SIPA1L2: variants seen among roughly 807,000 people sequenced by gnomAD.
SIPA1L2 encodes the protein signal-induced proliferation-associated 1-like protein 2.
In SIPA1L2, 56 loss-of-function variants were observed where a neutral mutation model predicts 163.9. The observed-to-expected ratio is 0.34, with a 90% confidence interval of 0.28 to 0.43. SIPA1L2 has a LOEUF of 0.43. Ranked by LOEUF, SIPA1L2 falls within the 20% of genes least tolerant of loss-of-function variation. The pLI is 1.00. For synonymous variants in SIPA1L2, 877 were observed against 865.7 expected, an observed-to-expected ratio of 1.01 and a Z score of -0.23; for missense variants, 1,974 against 2,193.5, an observed-to-expected ratio of 0.90 and a Z score of 2.00.
intron 16 of SIPA1L2, among the ~76,000 whole-genome samples, chr1:232,430,295 A>C (rs1267824251): frequency 6.6e-6 from 1 of 152,246 alleles, no homozygotes; most frequent in Non-Finnish European, 1.5e-5. Context: ...GAAACTCACA[A>C]AGGACATTTA....
chr1:232,596,982 T>C (rs1379299141), intron 1 of SIPA1L2, among the ~76,000 whole-genome samples: 2 of 152,216 alleles, frequency 1.3e-5, no homozygotes, highest in Admixed American at 6.5e-5. Flanking sequence ...CAGGACCATT[T>C]GGTTTTCACA....
At chr1:232,463,330 T>A (rs1188473954) in intron 9 of SIPA1L2, among the ~76,000 whole-genome samples, 1 of 152,168 alleles carries the variant, frequency 6.6e-6, no homozygotes. Flanking sequence ...ATTCCCAACA[T>A]CTCCACTAAG....
intron 6 of SIPA1L2, among the ~76,000 whole-genome samples, chr1:232,480,186 TG>T: frequency 7.4e-6 from 1 of 135,866 alleles, no homozygotes; most frequent in African/African-American, 2.9e-5. Context: ...TGTGTGTGTG[TG>T]TGTGTTTTTA....
chr1:232,452,556 A>G (rs759906724), intron 10 of SIPA1L2, among the ~76,000 whole-genome samples: 1 of 152,234 alleles, frequency 6.6e-6, no homozygotes, highest in Non-Finnish European at 1.5e-5. Context: ...GTTTCTCGGA[A>G]GAACCTTCCA....
intron 1 of SIPA1L2, among the ~76,000 whole-genome samples, 138 bp downstream of exon 1, chr1:232,629,731 C>T (rs1663281396): frequency 6.6e-6 from 1 of 152,000 alleles, no homozygotes; most frequent in African/African-American, 2.4e-5. Flanking sequence ...CCCCCGCGCC[C>T]CTCGCACCCC....
At position 232,587,392 on chromosome 1, in the gene SIPA1L2, G is replaced by A. The variant is rs115924150; in HGVS notation, c.-318-13170C>T. Among the ~76,000 whole-genome samples the A allele has an allele frequency of 9.4e-3, 1,423 of 152,162 alleles. 14 individuals are homozygous for A. Among genetic ancestry groups the A allele is most frequent in the Non-Finnish European group, 0.014 (956 of 68,026 alleles). The stretch of plus-strand genomic sequence containing the variant: ...TTCATAACGAGTCAAGTCTAGTTCT[G>A]TCTCATTTAGCACCTTTCCTGTATG... On this transcript the variant is annotated intron_variant, in intron 1 of 22. Transcript: ENST00000674635.
At chr1:232,496,413 A>G (rs1293795440) in intron 3 of SIPA1L2, among the ~76,000 whole-genome samples, 1 of 152,204 alleles carries the variant, frequency 6.6e-6, no homozygotes, top group Non-Finnish European at 1.5e-5. Flanking sequence ...TACATTTCTC[A>G]GAACATATCT....
chr1:232,519,886 T>C (rs1214750319), intron 2 of SIPA1L2, among the ~76,000 whole-genome samples: 2 of 152,228 alleles, frequency 1.3e-5, no homozygotes, highest in Non-Finnish European at 2.9e-5. Flanking sequence ...CTCATACTTC[T>C]AAGCTGGTAC....
In SIPA1L2 at chr1:232,515,235, A is replaced by C. The variant is rs1045209348; in HGVS notation, c.105T>G (p.Ala35=). ...PRIMQSDDYF[A]RKFKAINGNM... Reference sequence around the variant, plus strand: ...TGCCATTAATGGCTTTAAATTTCCGAGCAAAATAATCATCTGACTGCATGA... The same window carrying C: ...TGCCATTAATGGCTTTAAATTTCCGCGCAAAATAATCATCTGACTGCATGA... The change falls in exon 3 of 23, where the codon GCT becomes GCG. Residue 35 remains alanine (A), a synonymous_variant. Coordinates refer to ENST00000674635, the MANE Select transcript of SIPA1L2 (RefSeq NM_020808.5). 11 of 1,614,130 alleles carry C rather than the reference A, an allele frequency of 6.8e-6. No individual in the cohort carries two copies. The Middle Eastern group carries it at 5.0e-4, about 73-fold the overall frequency.
At chr1:232,544,164 T>C (rs946474242) in intron 2 of SIPA1L2, among the ~76,000 whole-genome samples, 1 of 152,094 alleles carries the variant, frequency 6.6e-6, no homozygotes, top group African/African-American at 2.4e-5. Context: ...GGAATAAGCA[T>C]TGAAATGCAT....
At chr1:232,582,600 C>A (rs1204761831) in intron 1 of SIPA1L2, among the ~76,000 whole-genome samples, 1 of 152,138 alleles carries the variant, frequency 6.6e-6, no homozygotes, top group Non-Finnish European at 1.5e-5. Context: ...CTGTTGTGAA[C>A]AGCACAGTGA....
chr1:232,514,319 T>A lies in SIPA1L2; in HGVS notation c.1021A>T (p.Ile341Phe). 1 of 1,613,362 alleles carries A rather than the reference T, an allele frequency of 6.2e-7. No homozygotes were observed. Among genetic ancestry groups the A allele is most frequent in the Non-Finnish European group, 8.5e-7 (1 of 1,180,038 alleles). The change falls in exon 3 of 23, where the codon ATC (isoleucine) becomes TTC (phenylalanine). Residue 341 changes from isoleucine to phenylalanine, a missense_variant. By Grantham distance (21) the Ile-to-Phe change is conservative. Coordinates refer to ENST00000674635, the MANE Select transcript of SIPA1L2 (RefSeq NM_020808.5). ...GCCCTCGTAGCCATGGCTTCGTTGA[T>A]ATTAAACAAAATGCTCTGGACATCA... ...HYDVQSILFN[I>F]NEAMATRANV...
chr1:232,614,377 A>G (rs1221359220), intron 1 of SIPA1L2, among the ~76,000 whole-genome samples: 5 of 152,222 alleles, frequency 3.3e-5, no homozygotes, highest in Non-Finnish European at 7.3e-5. Context: ...TTCGTACTTC[A>G]GTTCAGATAG....
intron 3 of SIPA1L2, among the ~76,000 whole-genome samples, chr1:232,508,128 C>T (rs1234290283): frequency 6.6e-6 from 1 of 152,182 alleles, no homozygotes; most frequent in Non-Finnish European, 1.5e-5. Flanking sequence ...CAGAGGAACA[C>T]GCGCTCCTGT....
chr1:232,620,314 T>C (rs1331057263), intron 1 of SIPA1L2, among the ~76,000 whole-genome samples: 2 of 152,224 alleles, frequency 1.3e-5, no homozygotes, highest in Non-Finnish European at 2.9e-5. Context: ...GCCAGAACCC[T>C]GTTCCATGAA....
At chr1:232,600,306 G>T (rs1369989932) in intron 1 of SIPA1L2, among the ~76,000 whole-genome samples, 2 of 98,274 alleles carry the variant, frequency 2.0e-5, no homozygotes, top group Non-Finnish European at 5.2e-5. Context: ...CTGAAAACAA[G>T]AATTTAAAAA....
Position 232,441,764 on chromosome 1 carries a change from T to G in SIPA1L2, c.3538+4A>C. 2 of 1,613,218 alleles carry G rather than the reference T, an allele frequency of 1.2e-6. No homozygotes were observed. The highest frequency in any genetic ancestry group is 1.7e-6 in the Non-Finnish European group (2 of 1,179,444). On this transcript the variant is annotated splice_donor_region_variant and intron_variant, in intron 13 of 22. Transcript: ENST00000674635. ...GAGGTCAATTTCCAGGAGTTCCTTA[T>G]TACCCGGGTGCCTGCTTGCTTCCAT...
intron 2 of SIPA1L2, among the ~76,000 whole-genome samples, chr1:232,571,356 C>T (rs1659717867): frequency 6.6e-6 from 1 of 152,150 alleles, no homozygotes. Context: ...AAAAATAGTA[C>T]ATATTGAATA....
chr1:232,434,652 G>A (rs557224847), intron 15 of SIPA1L2, among the ~76,000 whole-genome samples: 2 of 152,294 alleles, frequency 1.3e-5, no homozygotes, highest in East Asian at 1.9e-4. Context: ...ACGCCAGTTA[G>A]GGAGCCCTAA....
Sources: allele counts gnomAD v4.1 joint callset (sites outside exome capture counted in the v4.1 genomes callset), GRCh38; gene constraint gnomAD v4.1.1; transcripts MANE v1.5; gene names NCBI Gene and HGNC (gene_info 2026-07-23, HGNC 2026-07-21).